MRPS35: variants seen among roughly 807,000 people sequenced by gnomAD.
The protein encoded by MRPS35 is small ribosomal subunit protein mS35.
MRPS35 carries 29 observed loss-of-function variants against 32.7 expected under a neutral mutation model. The observed-to-expected ratio is 0.89, with a 90% CI of 0.66 to 1.21. MRPS35 has a LOEUF of 1.21. MRPS35 is among the 50% of genes most tolerant of loss of function. MRPS35 has a pLI of 0.00. For synonymous variants in MRPS35, 148 were observed against 139.3 expected (o/e 1.06, Z -0.44); for missense variants, 373 against 383.8 (o/e 0.97, Z 0.23).
intron 4 of MRPS35, among the ~76,000 whole-genome samples, chr12:27,722,334 G>A (rs141104436): frequency 6.8e-4 from 104 of 152,292 alleles, no homozygotes; most frequent in African/African-American, 2.2e-3. Context: ...AGTGGCAGAA[G>A]TTAAATACAA....
intron 7 of MRPS35, among the ~76,000 whole-genome samples, chr12:27,751,122 A>AAAAAAG (rs1565472346): frequency 1.8e-4 from 26 of 148,450 alleles, no homozygotes; most frequent in African/African-American, 5.1e-4. Context: ...AAAAAAAAAA[A>AAAAAAG]AAAAGAAAAG....
At chr12:27,744,607 A>G (rs2061975814) in intron 7 of MRPS35, among the ~76,000 whole-genome samples, 1 of 152,244 alleles carries the variant, frequency 6.6e-6, no homozygotes, top group Non-Finnish European at 1.5e-5. Flanking sequence ...GGCAAGACGC[A>G]TCTCTTTAAC....
intron 7 of MRPS35, among the ~76,000 whole-genome samples, chr12:27,743,293 C>T (rs889168594): frequency 1.3e-5 from 2 of 151,836 alleles, no homozygotes; most frequent in South Asian, 2.1e-4. Context: ...TTTGGGAGGC[C>T]AAGGCAGGTG....
intron 7 of MRPS35, among the ~76,000 whole-genome samples, chr12:27,738,509 A>AT (rs1351586846): frequency 3.3e-5 from 5 of 152,178 alleles, no homozygotes; most frequent in African/African-American, 1.2e-4. Flanking sequence ...TATAAGGAAG[A>AT]TTTTGCCATG....
intron 5 of MRPS35, among the ~76,000 whole-genome samples, chr12:27,733,019 T>G (rs1220196851): frequency 2.7e-5 from 1 of 37,242 alleles, no homozygotes; most frequent in African/African-American, 9.0e-5. Flanking sequence ...TATATATATA[T>G]ATATATATAT....
intron 5 of MRPS35, among the ~76,000 whole-genome samples, chr12:27,728,725 A>G (rs2061909916): frequency 6.6e-6 from 1 of 152,054 alleles, no homozygotes; most frequent in African/African-American, 2.4e-5. Flanking sequence ...CTTCTTCCTG[A>G]TGAATTTGAC....
rs538412001 is a variant in MRPS35 at position 27,716,815 on chromosome 12, C to A, written c.321+357C>A. On this transcript the variant is annotated intron_variant, in intron 3 of 7. Coordinates refer to ENST00000081029, the MANE Select transcript of MRPS35 (RefSeq NM_021821.4). The stretch of plus-strand genomic sequence containing the variant: ...CCAATCTGGCCAACATGGTGAAACC[C>A]CATCTCTACTAAAAACACACAAAAA... 1.8e-4 allele frequency among the ~76,000 whole-genome samples: 28 copies of A among 152,152 alleles called. 1 individual carries two copies. The South Asian group carries it at 3.7e-3, about 20-fold the overall frequency.
intron 5 of MRPS35, among the ~76,000 whole-genome samples, chr12:27,728,677 T>C (rs2140765431): frequency 6.6e-6 from 1 of 152,236 alleles, no homozygotes; most frequent in Non-Finnish European, 1.5e-5. Context: ...TGATGTATCT[T>C]ATGTTATCTG....
At chr12:27,725,490 C>G (rs925181119) in intron 5 of MRPS35, 1 of 157,630 alleles carries the variant, frequency 6.3e-6, no homozygotes, top group African/African-American at 2.4e-5. Context: ...TAATGATGTT[C>G]CTAAGATAAC....
At chr12:27,711,677 T>G (rs925478202) in intron 1 of MRPS35, among the ~76,000 whole-genome samples, 7 of 151,386 alleles carry the variant, frequency 4.6e-5, no homozygotes, top group African/African-American at 1.7e-4. Flanking sequence ...TTTCTACAAG[T>G]TTTTTTTCCG....
chr12:27,730,218 TC>T (rs2061916301), intron 5 of MRPS35, among the ~76,000 whole-genome samples: 1 of 152,216 alleles, frequency 6.6e-6, no homozygotes, highest in Non-Finnish European at 1.5e-5. Context: ...TGTTCCAGAA[TC>T]CCATCCAGTT....
chr12:27,726,267 G>A (rs987271524), intron 5 of MRPS35, among the ~76,000 whole-genome samples: 2 of 151,992 alleles, frequency 1.3e-5, no homozygotes, highest in African/African-American at 4.8e-5. Context: ...CATGCAATAT[G>A]TTTTCTTTCA....
chr12:27,726,876 C>T (rs1021569391), intron 5 of MRPS35, among the ~76,000 whole-genome samples: 1 of 151,580 alleles, frequency 6.6e-6, no homozygotes, highest in African/African-American at 2.4e-5. Flanking sequence ...TTCTGGACAC[C>T]AGTCCCAGTC....
chr12:27,729,383 A>T (rs2061912735), intron 5 of MRPS35, among the ~76,000 whole-genome samples: 2 of 152,118 alleles, frequency 1.3e-5, no homozygotes, highest in Non-Finnish European at 2.9e-5. Flanking sequence ...CATAATAGAT[A>T]AATAATGGTA....
intron 2 of MRPS35, among the ~76,000 whole-genome samples, 177 bp downstream of exon 2, chr12:27,714,997 T>C (rs539730279): frequency 1.3e-5 from 2 of 152,290 alleles, no homozygotes; most frequent in East Asian, 1.9e-4. Context: ...ACCCAGAGAA[T>C]AGATGATCTT....
At chr12:27,715,057 G>A (rs1290537517) in intron 2 of MRPS35, among the ~76,000 whole-genome samples, 1 of 152,234 alleles carries the variant, frequency 6.6e-6, no homozygotes, top group East Asian at 1.9e-4. Flanking sequence ...GTATAAACCA[G>A]AATATGGAAC....
At chr12:27,743,685 G>A (rs142378543) in intron 7 of MRPS35, among the ~76,000 whole-genome samples, 1 of 152,312 alleles carries the variant, frequency 6.6e-6, no homozygotes, top group East Asian at 1.9e-4. Flanking sequence ...TATCACAAAA[G>A]TGTTAAGGTT....
chr12:27,733,565 T>A lies in MRPS35; in HGVS notation c.523-1882T>A, dbSNP rs187507901. On this transcript the variant is annotated intron_variant, in intron 5 of 7. Coordinates refer to ENST00000081029, the MANE Select transcript of MRPS35 (RefSeq NM_021821.4). Reference sequence around the variant, plus strand: ...ACTATCCTAATGTAAAAACTATTTATTTTTCTCTCCCTGTTCCCTCTTATA... The same window carrying A: ...ACTATCCTAATGTAAAAACTATTTAATTTTCTCTCCCTGTTCCCTCTTATA... Among the ~76,000 whole-genome samples the A allele has an allele frequency of 7.9e-5, 12 of 152,364 alleles. No individual in the cohort carries two copies. The East Asian group carries it at 2.3e-3, about 29-fold the overall frequency.
chr12:27,722,904 A>G (rs1439468147), intron 4 of MRPS35, among the ~76,000 whole-genome samples: 2 of 152,180 alleles, frequency 1.3e-5, no homozygotes, highest in African/African-American at 2.4e-5. Flanking sequence ...TATTGTTCCT[A>G]TTATAAGAAA....
Sources: gnomAD v4.1 joint callset for allele counts (sites outside exome capture counted in the v4.1 genomes callset) on GRCh38, gnomAD v4.1.1 for gene constraint, MANE v1.5 for transcripts, NCBI Gene and HGNC (gene_info 2026-07-23, HGNC 2026-07-21) for gene names.